Variants in LRRC4C observed in about 807,000 individuals in gnomAD.
LRRC4C encodes the protein leucine-rich repeat-containing protein 4C.
LRRC4C carries 5 observed loss-of-function variants against 33.6 expected under a neutral mutation model. The ratio of observed to expected loss-of-function variants is 0.15; its 90% CI spans 0.08 to 0.31. The LOEUF (loss-of-function observed/expected upper bound fraction) is 0.31, where lower values mean the gene tolerates loss of function less well. Ranked by LOEUF, LRRC4C falls within the 10% of genes least tolerant of loss-of-function variation. The pLI is 1.00. For synonymous variants in LRRC4C, 329 were observed against 302.0 expected (o/e 1.09, Z -0.93); for missense variants, 560 against 796.7 (o/e 0.70, Z 3.58).
intron 1 of LRRC4C, among the ~76,000 whole-genome samples, chr11:41,073,423 G>A (rs563652514): frequency 2.8e-4 from 43 of 152,182 alleles, no homozygotes; most frequent in Non-Finnish European, 4.6e-4. Context: ...GATCTACCCC[G>A]GTGATGATTG....
In LRRC4C at chr11:41,274,945, C is replaced by G. The variant is rs77850098; in HGVS notation, c.-496+184486G>C. On this transcript the variant is annotated intron_variant, in intron 1 of 6. Transcript: ENST00000528697. ...TTCCCAGTGTTGGAGGTGGGCCCTA[C>G]TGGGAGATGTATGGGTCATGGGGGT... Among the ~76,000 whole-genome samples, 712 of 152,160 alleles carry G rather than the reference C, an allele frequency of 4.7e-3. 3 individuals carry two copies. Among genetic ancestry groups the G allele is most frequent in the African/African-American group, 0.015 (632 of 41,524 alleles).
chr11:41,194,774 A>G (rs373913540), intron 1 of LRRC4C, among the ~76,000 whole-genome samples: 46 of 152,154 alleles, frequency 3.0e-4, no homozygotes, highest in African/African-American at 1.0e-3. Flanking sequence ...GTTGTGTGGC[A>G]CTCCTAACCC....
intron 1 of LRRC4C, among the ~76,000 whole-genome samples, chr11:41,115,495 T>C (rs1326986917): frequency 1.3e-5 from 2 of 152,050 alleles, no homozygotes. Flanking sequence ...TATTCATTCT[T>C]TTCTGCTAAA....
intron 1 of LRRC4C, among the ~76,000 whole-genome samples, chr11:41,092,718 G>A (rs1215265328): frequency 6.6e-6 from 1 of 152,182 alleles, no homozygotes; most frequent in Non-Finnish European, 1.5e-5. Context: ...GCATAACTCA[G>A]ACAGACAATA....
intron 1 of LRRC4C, among the ~76,000 whole-genome samples, chr11:41,024,479 C>A (rs1331057623): frequency 2.0e-5 from 3 of 151,646 alleles, no homozygotes; most frequent in Admixed American, 1.3e-4. Context: ...AATATTAATT[C>A]ACTTAATTCT....
intron 3 of LRRC4C, among the ~76,000 whole-genome samples, chr11:40,374,178 A>C (rs1021861141): frequency 3.9e-5 from 6 of 152,198 alleles, no homozygotes; most frequent in Admixed American, 2.6e-4. Flanking sequence ...AGAATGAATT[A>C]AAAATGCTTA....
intron 2 of LRRC4C, among the ~76,000 whole-genome samples, chr11:40,771,946 A>G (rs1313656962): frequency 2.0e-5 from 3 of 152,060 alleles, no homozygotes; most frequent in South Asian, 2.1e-4. Context: ...ACATTTTTCT[A>G]TCTTCTTCTG....
intron 2 of LRRC4C, among the ~76,000 whole-genome samples, chr11:40,891,798 G>A (rs1325585635): frequency 6.6e-6 from 1 of 152,110 alleles, no homozygotes; most frequent in Non-Finnish European, 1.5e-5. Flanking sequence ...ATACACTGTT[G>A]GTAGGAGTAC....
intron 1 of LRRC4C, among the ~76,000 whole-genome samples, chr11:40,985,939 G>C (rs996904110): frequency 6.6e-6 from 1 of 151,776 alleles, no homozygotes; most frequent in African/African-American, 2.4e-5. Flanking sequence ...TACTCTCAAG[G>C]TATTTAAAAA....
At chr11:40,342,386 T>C (rs1214337344) in intron 3 of LRRC4C, among the ~76,000 whole-genome samples, 2 of 152,112 alleles carry the variant, frequency 1.3e-5, no homozygotes, top group African/African-American at 4.8e-5. Flanking sequence ...GGAGGATCCC[T>C]TGAACCCAGG....
intron 1 of LRRC4C, among the ~76,000 whole-genome samples, chr11:41,222,573 A>T (rs1947353844): frequency 1.3e-5 from 2 of 152,256 alleles, no homozygotes; most frequent in South Asian, 4.1e-4. Context: ...GCTCTCTGTT[A>T]TAAATGCTGC....
At chr11:41,434,199 C>T (rs1040679655) in intron 1 of LRRC4C, among the ~76,000 whole-genome samples, 3 of 152,114 alleles carry the variant, frequency 2.0e-5, no homozygotes, top group Admixed American at 6.6e-5. Context: ...TTTGTAAACA[C>T]ATTAAAAATT....
intron 5 of LRRC4C, among the ~76,000 whole-genome samples, chr11:40,156,025 A>G (rs1023944136): frequency 3.3e-5 from 5 of 152,174 alleles, no homozygotes; most frequent in African/African-American, 1.2e-4. Context: ...GTCTCATACC[A>G]TAGATGCAGG....
At chr11:40,141,378 C>T (rs1267123092) in intron 5 of LRRC4C, among the ~76,000 whole-genome samples, 1 of 152,106 alleles carries the variant, frequency 6.6e-6, no homozygotes, top group Non-Finnish European at 1.5e-5. Context: ...CATCTCACCC[C>T]ACTACTCCTG....
chr11:40,843,729 AT>A (rs1953022256), intron 2 of LRRC4C, among the ~76,000 whole-genome samples: 2 of 152,136 alleles, frequency 1.3e-5, no homozygotes. Flanking sequence ...TATGCTCAAA[AT>A]TTTAGAAATA....
At chr11:41,096,571 T>C (rs962408694) in intron 1 of LRRC4C, among the ~76,000 whole-genome samples, 1 of 152,210 alleles carries the variant, frequency 6.6e-6, no homozygotes, top group Non-Finnish European at 1.5e-5. Flanking sequence ...TTGGTGCTTC[T>C]TTGTGTTTAT....
At chr11:41,262,993 T>C (rs751040784) in intron 1 of LRRC4C, among the ~76,000 whole-genome samples, 56 of 152,156 alleles carry the variant, frequency 3.7e-4, no homozygotes, top group Non-Finnish European at 6.6e-4. Context: ...ATGTTGCTTA[T>C]ATGCTTCCTA....
At chr11:41,359,575 A>G (rs1952279389) in intron 1 of LRRC4C, among the ~76,000 whole-genome samples, 1 of 152,222 alleles carries the variant, frequency 6.6e-6, no homozygotes, top group South Asian at 2.1e-4. Flanking sequence ...ATTTTATAAA[A>G]GAATAAAAAT....
intron 2 of LRRC4C, among the ~76,000 whole-genome samples, chr11:40,858,936 A>G (rs542259951): frequency 6.6e-6 from 1 of 152,282 alleles, no homozygotes; most frequent in South Asian, 2.1e-4. Flanking sequence ...AAATAGACAA[A>G]AACTGTTAAA....
Sources: allele counts gnomAD v4.1 joint callset (sites outside exome capture counted in the v4.1 genomes callset), GRCh38; gene constraint gnomAD v4.1.1; transcripts MANE v1.5; gene names NCBI Gene and HGNC (gene_info 2026-07-23, HGNC 2026-07-21).